SLC6A16: variants seen among roughly 807,000 people sequenced by gnomAD.
SLC6A16 encodes the protein orphan sodium- and chloride-dependent neurotransmitter transporter NTT5.
A neutral mutation model predicts 65.4 loss-of-function variants in SLC6A16; 54 were observed. That is an observed-to-expected ratio of 0.83 (90% confidence interval 0.66 to 1.04). SLC6A16 has a LOEUF of 1.04. Ranked by LOEUF, SLC6A16 falls within the 50% of genes least tolerant of loss-of-function variation. The probability of loss-of-function intolerance (pLI) is 0.00; values close to 1 mark genes in which losing one functional copy is unlikely to be tolerated. For missense variants in SLC6A16, 816 were observed against 914.0 expected (o/e 0.89, Z 1.38); for synonymous variants, 330 against 346.5 (o/e 0.95, Z 0.53).
intron 7 of SLC6A16, among the ~76,000 whole-genome samples, chr19:49,299,534 T>TA (rs761974008): frequency 9.9e-4 from 36 of 36,314 alleles, no homozygotes; most frequent in African/African-American, 2.4e-3. Context: ...AGGCTTGGTG[T>TA]AAAAAAAAAA....
At chr19:49,339,487 C>A in the SLC6A16 span, 2 of 1,551,424 alleles carry the variant, frequency 1.3e-6, no homozygotes, top group South Asian at 2.2e-5. The surrounding 1 kb of genome is among the most constrained non-coding windows in gnomAD (Gnocchi z 4.5). Flanking sequence ...TCGCGTCCTT[C>A]GGTTGCCTGG....
rs367833075 is a variant in SLC6A16 at position 49,293,358 on chromosome 19, A to G, written c.1643T>C (p.Val548Ala). Residue 548 changes from valine to alanine, a missense_variant, in exon 10 of 12, where the codon GTG becomes GCG. Physicochemically the swap from Val to Ala is moderately conservative, Grantham distance 64. Coordinates refer to ENST00000335875, the MANE Select transcript of SLC6A16 (RefSeq NM_014037.3). ...AGGTCGAGTGAAGAAGAGGCCGCAC[A>G]CGAACATGAGCAAAAAGACTCCCAC... ...LIVGVFLLMF[V>A]CGLFFTRPSG... The G allele has an allele frequency of 4.3e-6, 7 of 1,614,204 alleles. No homozygotes were observed. The African/African-American group carries it at 8.0e-5, about 18-fold the overall frequency.
At chr19:49,311,848 CA>C (rs1391387765) in intron 1 of SLC6A16, among the ~76,000 whole-genome samples, 6 of 101,644 alleles carry the variant, frequency 5.9e-5, no homozygotes, top group Admixed American at 2.1e-4. Context: ...GGCTCCATCT[CA>C]AAAAAAAAAG....
Position 49,310,091 on chromosome 19 carries a change from A to T in SLC6A16, c.649T>A (p.Phe217Ile). The change falls in exon 4 of 12, where the codon TTT becomes ATT. Residue 217 changes from phenylalanine to isoleucine, a missense_variant. Phe to Ile is a conservative substitution (Grantham distance 21, BLOSUM62 0). Coordinates refer to ENST00000335875, the MANE Select transcript of SLC6A16 (RefSeq NM_014037.3). Reference sequence around the variant, plus strand: ...GGACATTTCTCCCATGGAACGGGAAACTGGAAGGACTGGCTCATGTAGAAG... The same window carrying T: ...GGACATTTCTCCCATGGAACGGGAATCTGGAAGGACTGGCTCATGTAGAAG... ...IIFYMSQSFQ[F>I]PVPWEKCPLT... is the part of the protein sequence containing the mutation. The T allele has an allele frequency of 6.2e-7, 1 of 1,614,114 alleles. No homozygotes were observed. The highest frequency in any genetic ancestry group is 1.1e-5 in the South Asian group (1 of 91,080).
Position 49,309,080 on chromosome 19 carries a change from G to GC in SLC6A16, c.1024dup (p.Ala342GlyfsTer8), listed in dbSNP as rs759404533. 5 of 1,614,162 alleles carry GC rather than the reference G, an allele frequency of 3.1e-6. No homozygotes were observed. The highest frequency in any genetic ancestry group is 3.4e-6 in the Non-Finnish European group (4 of 1,180,018). ...TGTGTTAGACAAAACTTGACCCCCT[G>GC]CTAGAGACCACACACTCATATTGTA... On this transcript the variant is annotated frameshift_variant, in exon 7 of 12. Transcript: ENST00000335875. LOFTEE classifies it high-confidence loss of function.
At chr19:49,322,634 CAA>C (rs59799608) in intron 1 of SLC6A16, among the ~76,000 whole-genome samples, 7 of 77,400 alleles carry the variant, frequency 9.0e-5, no homozygotes, top group Admixed American at 4.6e-4. Context: ...AACTCCATCT[CAA>C]AAAAAAAAAA....
At chr19:49,299,854 C>T (rs1424639675) in intron 7 of SLC6A16, among the ~76,000 whole-genome samples, 1 of 150,244 alleles carries the variant, frequency 6.7e-6, no homozygotes, top group African/African-American at 2.4e-5. Context: ...GAAACCCTGT[C>T]TCTACTAAAA....
At position 49,311,423 on chromosome 19, in the gene SLC6A16, C is replaced by G; in HGVS notation, c.-64-12G>C. ...CTTCCTGAGGAGACCTGAAGGACAC[C>G]AAAATCTGTAGATTTTAGATTTTAG... On this transcript the variant is annotated splice_polypyrimidine_tract_variant and intron_variant, in intron 1 of 11. Coordinates refer to ENST00000335875, the MANE Select transcript of SLC6A16 (RefSeq NM_014037.3). 1 of 1,462,344 alleles carries G rather than the reference C, an allele frequency of 6.8e-7. No homozygotes were observed. The highest frequency in any genetic ancestry group is 9.1e-7 in the Non-Finnish European group (1 of 1,094,720). The allele number at this position is 1,462,344 out of a possible 1,614,324, so 90.6% of individuals were successfully genotyped here.
At chr19:49,291,139 G>A (rs912753630) in intron 10 of SLC6A16, among the ~76,000 whole-genome samples, 26 of 151,772 alleles carry the variant, frequency 1.7e-4, no homozygotes, top group Non-Finnish European at 1.6e-4. Context: ...GGCCCTTGGT[G>A]AACTTATCTA....
rs181709357 is a variant in SLC6A16 at position 49,294,579 on chromosome 19, C to A, written c.1230-26G>T. On this transcript the variant is annotated intron_variant, in intron 7 of 11. Transcript: ENST00000335875. ...CTGGGGATAGAGGGTTGAATCAAAT[C>A]GAACCATTTGGCCCAGTAGGAGATA... 1.2e-3 allele frequency: 1,948 copies of A among 1,565,548 alleles called. 3 individuals carry two copies. Among genetic ancestry groups the A allele is most frequent in the Non-Finnish European group, 1.1e-3 (1,261 of 1,157,080 alleles).
At chr19:49,305,463 G>A (rs1436190931) in intron 7 of SLC6A16, among the ~76,000 whole-genome samples, 1 of 151,860 alleles carries the variant, frequency 6.6e-6, no homozygotes, top group Non-Finnish European at 1.5e-5. Flanking sequence ...GTGGTGGTGG[G>A]TGCCTGTAAT....
At chr19:49,329,778 G>C (rs962953245), upstream of SLC6A16, among the ~76,000 whole-genome samples, 1 of 151,350 alleles carries the variant, frequency 6.6e-6, no homozygotes, top group Non-Finnish European at 1.5e-5. Context: ...GACTACAGGC[G>C]CCCGCCACTA....
intron 7 of SLC6A16, among the ~76,000 whole-genome samples, chr19:49,308,253 C>A (rs1427585160): frequency 6.6e-6 from 1 of 152,026 alleles, no homozygotes. Context: ...GAGATCGAGA[C>A]CATCCTGGCT....
the SLC6A16 span, chr19:49,331,950 G>C: frequency 6.7e-6 from 3 of 450,900 alleles, no homozygotes; most frequent in South Asian, 4.7e-5. Flanking sequence ...TCTCTGAGGA[G>C]GGATCAGTGG....
intron 7 of SLC6A16, among the ~76,000 whole-genome samples, chr19:49,306,939 TAAAG>T (rs1306838137): frequency 1.3e-5 from 2 of 152,026 alleles, no homozygotes; most frequent in Non-Finnish European, 2.9e-5. Context: ...TGGGAGGCAG[TAAAG>T]AGATTATGAT....
intron 7 of SLC6A16, among the ~76,000 whole-genome samples, chr19:49,307,755 G>GA (rs928241243): frequency 8.3e-5 from 12 of 144,278 alleles, no homozygotes; most frequent in Admixed American, 1.4e-4. Context: ...AAAAGAAAAA[G>GA]AAAAAAAAAA....
the SLC6A16 span, chr19:49,335,977 T>C: frequency 1.6e-6 from 1 of 614,762 alleles, no homozygotes; most frequent in Non-Finnish European, 2.9e-6. The surrounding 1 kb of genome is among the most constrained non-coding windows in gnomAD (Gnocchi z 4.6). Context: ...CAAACAACAA[T>C]GATCATGAGA....
At chr19:49,306,568 G>A (rs111343558) in intron 7 of SLC6A16, among the ~76,000 whole-genome samples, 144 of 139,706 alleles carry the variant, frequency 1.0e-3, no homozygotes, top group African/African-American at 3.9e-3. Context: ...TTTTGAGAGA[G>A]AGTCTCACTC....
the SLC6A16 span, chr19:49,337,823 C>T: frequency 4.4e-6 from 7 of 1,579,536 alleles, no homozygotes; most frequent in East Asian, 1.6e-4. Context: ...GGATTTGAGA[C>T]TGGCCCAGAG....
Sources: allele counts gnomAD v4.1 joint callset (sites outside exome capture counted in the v4.1 genomes callset), GRCh38; gene constraint gnomAD v4.1.1; non-coding constraint Gnocchi (gnomAD v3.1); transcripts MANE v1.5; gene names NCBI Gene and HGNC (gene_info 2026-07-23, HGNC 2026-07-21).